CNGA2: variants seen among roughly 807,000 people sequenced by gnomAD.
The protein encoded by CNGA2 is cyclic nucleotide gated channel subunit alpha 2, also known as cyclic nucleotide-gated channel alpha-2.
Under a neutral mutation model 35.9 loss-of-function variants are expected in CNGA2, and 22 were observed. The ratio of observed to expected loss-of-function variants is 0.61; its 90% CI spans 0.44 to 0.88. The LOEUF (loss-of-function observed/expected upper bound fraction) is 0.88, where lower values mean the gene tolerates loss of function less well. CNGA2 is among the 40% of genes least tolerant of loss of function. The pLI is 0.00. For synonymous variants in CNGA2, 217 were observed against 209.2 expected (o/e 1.04, Z -0.32); for missense variants, 555 against 530.8 (o/e 1.05, Z -0.45).
chrX:151,737,501 C>T (rs992609521), intron 1 of CNGA2, among the ~76,000 whole-genome samples: 2 of 111,739 alleles, frequency 1.8e-5, no homozygotes, highest in African/African-American at 6.5e-5. Context: ...ACATCCACTC[C>T]TCTGAGTCCC....
intron 1 of CNGA2, among the ~76,000 whole-genome samples, chrX:151,738,156 A>C (rs2015266531): frequency 9.0e-6 from 1 of 111,435 alleles, no homozygotes; most frequent in African/African-American, 3.3e-5. Flanking sequence ...TAGCTTTGAT[A>C]GTTTGTATGT....
At chrX:151,738,419 G>T (rs886081849) in intron 1 of CNGA2, 39 bp from the exon 2 acceptor site, 13 of 931,009 alleles carry the variant, frequency 1.4e-5, no homozygotes, top group Non-Finnish European at 2.0e-5. Flanking sequence ...TGGGTGTCAG[G>T]GTCCTCTGTG....
At chrX:151,740,028 C>T (rs2015288345) in intron 4 of CNGA2, among the ~76,000 whole-genome samples, 1 of 112,352 alleles carries the variant, frequency 8.9e-6, no homozygotes, top group Non-Finnish European at 1.9e-5. Context: ...TCAGGAAATA[C>T]TGAGAGGGTG....
intron 5 of CNGA2, among the ~76,000 whole-genome samples, chrX:151,742,316 T>C (rs1175952219): frequency 9.0e-6 from 1 of 111,083 alleles, no homozygotes; most frequent in Non-Finnish European, 1.9e-5. Flanking sequence ...GACAGAAAAT[T>C]AATGGTTAGT....
In CNGA2 at chrX:151,744,398, G is replaced by A. The variant is rs1187225200; in HGVS notation, c.1895G>A (p.Arg632His). The change falls in exon 7 of 7, where the codon CGC becomes CAC. Residue 632 changes from arginine to histidine, a missense_variant. Physicochemically the swap from Arg to His is conservative, Grantham distance 29. Transcript: ENST00000329903. ...GGGGCCCAGCAGAAGCTCAAGCAGC[G>A]CATCACAGTTCTGGAAACCAAGATG... ...YTGAQQKLKQ[R>H]ITVLETKMKQ... The A allele has an allele frequency of 1.3e-5, 16 of 1,208,475 alleles. No individual in the cohort carries two copies. The highest frequency in any genetic ancestry group is 4.4e-5 in the Admixed American group (2 of 45,600).
chrX:151,742,256 A>G (rs1305303974), intron 5 of CNGA2, among the ~76,000 whole-genome samples: 1 of 112,149 alleles, frequency 8.9e-6, no homozygotes, highest in Non-Finnish European at 1.9e-5. Flanking sequence ...GCATGCCGTA[A>G]TGACTAAGAG....
chrX:151,744,130 C>G lies in CNGA2; in HGVS notation c.1627C>G (p.Leu543Val). The part of the protein sequence containing the change: ...GNRRTANIRS[L>V]GYSDLFCLSK... ...TCGACGCACAGCTAATATCCGCAGC[C>G]TGGGCTACTCAGATCTCTTCTGCTT... The change falls in exon 7 of 7, where the codon CTG becomes GTG. Residue 543 changes from leucine (L) to valine (V), a missense_variant. Transcript: ENST00000329903. 1 of 1,210,543 alleles carries G rather than the reference C, an allele frequency of 8.3e-7. No homozygotes were observed. The highest frequency in any genetic ancestry group is 1.1e-6 in the Non-Finnish European group (1 of 895,265).
chrX:151,735,745 C>T (rs1278160492), intron 1 of CNGA2, among the ~76,000 whole-genome samples: 7 of 111,662 alleles, frequency 6.3e-5, no homozygotes, highest in Admixed American at 3.8e-4. Context: ...GACAGAGAAC[C>T]TTTGTCAGCC....
At chrX:151,741,629 G>A (rs955214701) in intron 5 of CNGA2, among the ~76,000 whole-genome samples, 1 of 112,565 alleles carries the variant, frequency 8.9e-6, no homozygotes, top group Non-Finnish European at 1.9e-5. Flanking sequence ...TGATGCCAGG[G>A]CCTGGTGGCT....
rs747214127 is a variant in CNGA2 at position 151,743,656 on chromosome X, T to C, written c.1153T>C (p.Phe385Leu). ...ISNMNATRAE[F>L]QAKIDAVKHY... The stretch of plus-strand genomic sequence containing the variant: ...CAACATGAATGCCACCCGGGCAGAG[T>C]TCCAGGCTAAGATCGATGCCGTGAA... Residue 385 changes from phenylalanine to leucine, a missense_variant, in exon 7 of 7, where the codon TTC becomes CTC. Coordinates refer to ENST00000329903, the MANE Select transcript of CNGA2 (RefSeq NM_005140.3). 7 of 1,211,182 alleles carry C rather than the reference T, an allele frequency of 5.8e-6. No individual in the cohort carries two copies. The East Asian group carries it at 2.1e-4, about 36-fold the overall frequency.
rs766528944 is a variant in CNGA2 at position 151,744,245 on chromosome X, A to G, written c.1742A>G (p.Glu581Gly). 12 of 1,207,988 alleles carry G rather than the reference A, an allele frequency of 9.9e-6. No individual in the cohort carries two copies. Among genetic ancestry groups the G allele is most frequent in the Admixed American group, 2.2e-5 (1 of 45,515 alleles). The change falls in exon 7 of 7, where the codon GAG becomes GGG. Residue 581 changes from glutamate to glycine, a missense_variant. Physicochemically the swap from Glu to Gly is moderately conservative, Grantham distance 98. Transcript: ENST00000329903. The part of the protein sequence containing the change: ...EERGREILMK[E>G]GLLDENEVAT... ...AGGGGTCGGGAGATCCTCATGAAGGAGGGACTGCTGGATGAGAACGAAGTG... is the reference window on the plus strand; with the variant it reads ...AGGGGTCGGGAGATCCTCATGAAGGGGGGACTGCTGGATGAGAACGAAGTG...
chrX:151,735,600 C>T (rs2015239453), intron 1 of CNGA2, among the ~76,000 whole-genome samples: 1 of 111,573 alleles, frequency 9.0e-6, no homozygotes, highest in Admixed American at 9.5e-5. Flanking sequence ...CCCATTCCAC[C>T]CATGTTTCAT....
At position 151,744,581 on chromosome X, in the gene CNGA2, A is replaced by G; in HGVS notation, c.*83A>G. The G allele has an allele frequency of 1.2e-6, 1 of 822,701 alleles. No individual in the cohort carries two copies. The highest frequency in any genetic ancestry group is 2.1e-5 in the African/African-American group (1 of 48,527). 67.8% of individuals were successfully genotyped at this position (822,701 alleles called of 1,213,427 possible). Reference sequence around the variant, plus strand: ...AGGAGCTATTTAGATCTCCGGATTTACATGCATTACCCTCATGTTCCCTGA... The same window carrying G: ...AGGAGCTATTTAGATCTCCGGATTTGCATGCATTACCCTCATGTTCCCTGA... On this transcript the variant is annotated 3_prime_UTR_variant, in exon 7 of 7. Coordinates refer to ENST00000329903, the MANE Select transcript of CNGA2 (RefSeq NM_005140.3).
chrX:151,739,026 C>T (rs980326452), intron 3 of CNGA2, 147 bp downstream of exon 3: 3 of 485,204 alleles, frequency 6.2e-6, no homozygotes, highest in Admixed American at 8.5e-5. Context: ...AATTTAATTC[C>T]GTCCTCCTGA....
Position 151,742,685 on chromosome X carries a change from T to A in CNGA2, c.589+43T>A, listed in dbSNP as rs1259595437. 6.6e-6 allele frequency: 7 copies of A among 1,065,643 alleles called. No homozygotes were observed. The African/African-American group carries it at 9.5e-5, about 14-fold the overall frequency. The allele number at this position is 1,065,643 out of a possible 1,213,427, so 87.8% of individuals were successfully genotyped here. A position where few individuals can be genotyped will look rare whatever the true frequency, so the allele number is the denominator to read the frequency against. ...ATGCAGGTAAATCCGAAGGCCTGAGTCCAAATTTTTAGGAAGCCCACTGGA... is the reference window on the plus strand; with the variant it reads ...ATGCAGGTAAATCCGAAGGCCTGAGACCAAATTTTTAGGAAGCCCACTGGA... On this transcript the variant is annotated intron_variant, in intron 6 of 6. Transcript: ENST00000329903.
chrX:151,737,445 G>C (rs1246024877), intron 1 of CNGA2, among the ~76,000 whole-genome samples: 1 of 111,596 alleles, frequency 9.0e-6, no homozygotes, highest in Non-Finnish European at 1.9e-5. Flanking sequence ...CCCTCACTCT[G>C]TCTCCTCTTT....
chrX:151,738,166 T>TA (rs1308185607), intron 1 of CNGA2, among the ~76,000 whole-genome samples: 2 of 111,414 alleles, frequency 1.8e-5, no homozygotes, highest in Non-Finnish European at 3.8e-5. Context: ...AGTTTGTATG[T>TA]AAAAAAATAC....
chrX:151,738,948 C>T, intron 3 of CNGA2, 69 bp downstream of exon 3: 1 of 875,034 alleles, frequency 1.1e-6, no homozygotes, highest in African/African-American at 2.0e-5. Flanking sequence ...GCTACCACTG[C>T]CCTCCTCTTC....
chrX:151,742,350 A>G (rs756696826), intron 5 of CNGA2, among the ~76,000 whole-genome samples, 186 bp from the exon 6 acceptor site: 5 of 110,993 alleles, frequency 4.5e-5, no homozygotes, highest in South Asian at 7.8e-4. Flanking sequence ...TAGTGATGTT[A>G]TGTAATGAGG....
Sources: gnomAD v4.1 joint callset for allele counts (sites outside exome capture counted in the v4.1 genomes callset) on GRCh38, gnomAD v4.1.1 for gene constraint, MANE v1.5 for transcripts, NCBI Gene and HGNC (gene_info 2026-07-23, HGNC 2026-07-21) for gene names.